The following SRGAP3 variants were observed in gnomAD, a reference collection of about 807,000 sequenced individuals.
SRGAP3 encodes the protein SLIT-ROBO Rho GTPase-activating protein 3.
Under a neutral mutation model 121.1 loss-of-function variants are expected in SRGAP3, and 39 were observed. The observed-to-expected ratio is 0.32, with a 90% CI of 0.25 to 0.42. The LOEUF is 0.42. Among genes scored for constraint, SRGAP3 ranks in the 10% least tolerant of loss-of-function variants. SRGAP3 has a pLI of 1.00. For missense variants in SRGAP3, 1,213 were observed against 1,470.6 expected (o/e 0.82, Z 2.86); for synonymous variants, 601 against 570.0 (o/e 1.05, Z -0.77).
chr3:9,022,774 G>T (rs766323934), intron 14 of SRGAP3, among the ~76,000 whole-genome samples: 1 of 152,212 alleles, frequency 6.6e-6, no homozygotes, highest in African/African-American at 2.4e-5. Flanking sequence ...CCAGGCTGGC[G>T]AGAGAATGAG....
intron 1 of SRGAP3, chr3:9,348,398 AG>A (rs1955945362): frequency 3.6e-6 from 2 of 552,332 alleles, no homozygotes; most frequent in Admixed American, 5.9e-5. Context: ...ATGTGCCTCC[AG>A]AATCCGCGAA....
chr3:9,122,746 A>G (rs576772047), intron 2 of SRGAP3, among the ~76,000 whole-genome samples: 1 of 152,194 alleles, frequency 6.6e-6, no homozygotes, highest in South Asian at 2.1e-4. Context: ...TAGGGTAGAA[A>G]AAGAAGCACG....
At position 8,985,170 on chromosome 3, in the gene SRGAP3, A is replaced by T; in HGVS notation, c.*349T>A. On this transcript the variant is annotated 3_prime_UTR_variant, in exon 22 of 22. Coordinates refer to ENST00000383836, the MANE Select transcript of SRGAP3 (RefSeq NM_014850.4). The surrounding 1 kb of genome is among the most constrained non-coding windows in gnomAD (Gnocchi z 5.1). ...TATATATGCACACATCGATATACAC[A>T]CACATATACGTATGTAGAGAGAATG... The T allele has an allele frequency of 5.0e-6, 2 of 400,042 alleles. No individual in the cohort carries two copies. Among genetic ancestry groups the T allele is most frequent in the Non-Finnish European group, 9.2e-6 (2 of 218,216 alleles). The allele number at this position is 400,042 out of a possible 1,614,324, so 24.8% of individuals were successfully genotyped here. A position where few individuals can be genotyped will look rare whatever the true frequency, so the allele number is the denominator to read the frequency against.
chr3:9,335,290 C>T (rs1328436603), intron 1 of SRGAP3, among the ~76,000 whole-genome samples: 1 of 152,112 alleles, frequency 6.6e-6, no homozygotes, highest in African/African-American at 2.4e-5. Context: ...TGTTGCCAGC[C>T]TATTTTTCTT....
intron 18 of SRGAP3, among the ~76,000 whole-genome samples, chr3:9,008,595 G>C (rs866212116): frequency 5.3e-5 from 8 of 152,014 alleles, no homozygotes; most frequent in Admixed American, 6.5e-5. Context: ...GTCGGCAGAA[G>C]AAAAAAAGGA....
chr3:9,088,899 C>A (rs1355295429), intron 3 of SRGAP3, among the ~76,000 whole-genome samples: 2 of 152,214 alleles, frequency 1.3e-5, no homozygotes, highest in Non-Finnish European at 2.9e-5. Context: ...TCCAGGTGAC[C>A]ACAGTGCCCA....
chr3:9,268,551 T>C (rs189365018), intron 3 of SRGAP3, among the ~76,000 whole-genome samples: 27 of 152,210 alleles, frequency 1.8e-4, no homozygotes, highest in African/African-American at 6.0e-4. Flanking sequence ...AGCATCATTC[T>C]AGTTAAGCCT....
intron 1 of SRGAP3, among the ~76,000 whole-genome samples, chr3:9,241,343 A>G (rs570672859): frequency 6.6e-6 from 1 of 152,322 alleles, no homozygotes; most frequent in Non-Finnish European, 1.5e-5. Flanking sequence ...TCTGGAAAGG[A>G]AATGTCATCT....
intron 1 of SRGAP3, 139 bp downstream of exon 1, chr3:9,248,746 T>TA: frequency 1.1e-6 from 1 of 890,724 alleles, no homozygotes; most frequent in Non-Finnish European, 1.8e-6. Flanking sequence ...CTGCCACTGT[T>TA]ACTCCTCACA....
chr3:9,345,823 G>C (rs75935005), intron 1 of SRGAP3, among the ~76,000 whole-genome samples: 1 of 150,870 alleles, frequency 6.6e-6, no homozygotes, highest in Non-Finnish European at 1.5e-5. Context: ...AAAAGAAAGA[G>C]AGAGAGAACA....
intron 3 of SRGAP3, among the ~76,000 whole-genome samples, chr3:9,277,578 A>G (rs1294189308): frequency 1.4e-5 from 2 of 142,304 alleles, no homozygotes; most frequent in South Asian, 4.6e-4. Context: ...ACTGCACTCT[A>G]GCCTGGATGA....
chr3:9,053,736 G>T (rs1385763428), intron 8 of SRGAP3, among the ~76,000 whole-genome samples: 2 of 152,206 alleles, frequency 1.3e-5, no homozygotes, highest in African/African-American at 4.8e-5. Flanking sequence ...GCTGAGAAAA[G>T]GAAAACTCCA....
chr3:9,295,425 C>T (rs554690247), intron 3 of SRGAP3, among the ~76,000 whole-genome samples: 34 of 152,312 alleles, frequency 2.2e-4, no homozygotes, highest in African/African-American at 7.5e-4. Context: ...ACTCTAGCAT[C>T]GTGCCATCCA....
intron 2 of SRGAP3, among the ~76,000 whole-genome samples, chr3:9,110,492 C>T (rs188206183): frequency 8.5e-5 from 13 of 152,356 alleles, no homozygotes; most frequent in East Asian, 7.7e-4. Flanking sequence ...GGTCAATCCC[C>T]GGGAAGCATG....
chr3:9,052,206 T>C (rs911313383), intron 9 of SRGAP3, among the ~76,000 whole-genome samples: 3 of 152,162 alleles, frequency 2.0e-5, no homozygotes, highest in Admixed American at 1.3e-4. Context: ...CCTGCAACCA[T>C]GTGAAACACT....
chr3:9,341,073 A>T (rs922511996), intron 1 of SRGAP3, among the ~76,000 whole-genome samples: 3 of 152,176 alleles, frequency 2.0e-5, no homozygotes, highest in African/African-American at 4.8e-5. Context: ...AGAGAATGGG[A>T]ATCTTCCTCT....
intron 3 of SRGAP3, among the ~76,000 whole-genome samples, chr3:9,322,335 C>T (rs1260361059): frequency 6.6e-6 from 1 of 151,806 alleles, no homozygotes; most frequent in Non-Finnish European, 1.5e-5. Flanking sequence ...AGTGGCAGCA[C>T]ACAAGGCCTT....
Position 9,218,925 on chromosome 3 carries a change from G to C in SRGAP3, c.67+29960C>G, listed in dbSNP as rs1290132654. On this transcript the variant is annotated intron_variant, in intron 1 of 21. Transcript: ENST00000383836. This position sits in a 1 kb window ranked among gnomAD's most constrained non-coding sequence, Gnocchi z 5.3. ...TGACCTCAGGTGATCCACCCACCTC[G>C]GCCTCCCAAAGTGTTGGGATTACAG... Among the ~76,000 whole-genome samples the C allele has an allele frequency of 1.3e-5, 2 of 152,244 alleles. No homozygotes were observed. The highest frequency in any genetic ancestry group is 3.9e-4 in the East Asian group (2 of 5,160).
At chr3:9,070,121 C>T (rs1313729200) in intron 4 of SRGAP3, among the ~76,000 whole-genome samples, 4 of 152,234 alleles carry the variant, frequency 2.6e-5, no homozygotes, top group Non-Finnish European at 4.4e-5. Flanking sequence ...CTTCCCTGAT[C>T]CTCAGATTCT....
Sources: allele counts gnomAD v4.1 joint callset (sites outside exome capture counted in the v4.1 genomes callset), GRCh38; gene constraint gnomAD v4.1.1; non-coding constraint Gnocchi (gnomAD v3.1); transcripts MANE v1.5; gene names NCBI Gene and HGNC (gene_info 2026-07-23, HGNC 2026-07-21).